The following BCKDHB variants were observed in gnomAD, a reference collection of about 807,000 sequenced individuals.
BCKDHB encodes branched chain keto acid dehydrogenase E1 subunit beta.
In BCKDHB, 41 loss-of-function variants were observed where a neutral mutation model predicts 48.5. The ratio of observed to expected loss-of-function variants is 0.85; its 90% CI spans 0.66 to 1.10. BCKDHB has a LOEUF of 1.10. Among genes scored for constraint, BCKDHB ranks in the 50% least tolerant of loss-of-function variants. The pLI, the probability that BCKDHB is intolerant of heterozygous loss-of-function variation, is 0.00. For synonymous variants in BCKDHB, 201 were observed against 174.8 expected (o/e 1.15, Z -1.18); for missense variants, 496 against 494.2 (o/e 1.00, Z -0.03).
At chr6:80,169,869 T>C (rs780623158) in intron 5 of BCKDHB, 3 of 1,604,162 alleles carry the variant, frequency 1.9e-6, no homozygotes, top group Non-Finnish European at 2.6e-6. Flanking sequence ...GAATGTGAGC[T>C]AGAAGTTGTA....
At chr6:80,202,857 A>G (rs1774459974) in intron 7 of BCKDHB, among the ~76,000 whole-genome samples, 1 of 151,956 alleles carries the variant, frequency 6.6e-6, no homozygotes, top group African/African-American at 2.4e-5. Context: ...CCATCTTTGT[A>G]ATCAGTATCT....
At chr6:80,164,628 G>A (rs1472327301) in intron 3 of BCKDHB, among the ~76,000 whole-genome samples, 2 of 152,114 alleles carry the variant, frequency 1.3e-5, no homozygotes, top group East Asian at 1.9e-4. Context: ...ATAATATTAA[G>A]TAGTTTAAAA....
chr6:80,455,395 T>A, the BCKDHB span, among the ~76,000 whole-genome samples: 1 of 151,804 alleles, frequency 6.6e-6, no homozygotes, highest in Admixed American at 6.6e-5. Flanking sequence ...ATGTCGCATC[T>A]CCTCAAGACT....
chr6:80,379,064 A>G, the BCKDHB span, among the ~76,000 whole-genome samples: 2 of 152,120 alleles, frequency 1.3e-5, no homozygotes, highest in African/African-American at 2.4e-5. Flanking sequence ...AAAATTAAGG[A>G]GTAGGGATGT....
the BCKDHB span, among the ~76,000 whole-genome samples, chr6:80,419,110 G>A: frequency 6.6e-6 from 1 of 152,298 alleles, no homozygotes; most frequent in Admixed American, 6.5e-5. Context: ...CTGCAATGGA[G>A]ATCATTTGGG....
intron 6 of BCKDHB, among the ~76,000 whole-genome samples, chr6:80,178,021 T>C (rs926980825): frequency 1.3e-5 from 2 of 152,218 alleles, no homozygotes; most frequent in African/African-American, 4.8e-5. Context: ...CTTTTCCTTG[T>C]AGAACATACT....
At chr6:80,369,732 A>C in the BCKDHB span, among the ~76,000 whole-genome samples, 2 of 152,198 alleles carry the variant, frequency 1.3e-5, no homozygotes, top group Non-Finnish European at 2.9e-5. Context: ...AGAAATGCCA[A>C]AATAACCTGT....
intron 3 of BCKDHB, among the ~76,000 whole-genome samples, chr6:80,130,709 G>T (rs888037657): frequency 1.3e-5 from 2 of 152,042 alleles, no homozygotes; most frequent in African/African-American, 2.4e-5. Context: ...AAAGCATAAA[G>T]AAAATAAAAA....
At chr6:80,230,586 A>T (rs1248230428) in intron 8 of BCKDHB, among the ~76,000 whole-genome samples, 3 of 151,980 alleles carry the variant, frequency 2.0e-5, no homozygotes, top group Non-Finnish European at 4.4e-5. Flanking sequence ...TAATTATTCA[A>T]CTCTGCCCTT....
At chr6:80,405,302 C>T in the BCKDHB span, among the ~76,000 whole-genome samples, 133,711 of 152,136 alleles carry the variant, frequency 0.88, 59,197 homozygotes, top group East Asian at 0.95. Context: ...CTTTGTTCCT[C>T]ATGACAGTTT....
At chr6:80,447,413 G>A in the BCKDHB span, among the ~76,000 whole-genome samples, 1 of 150,630 alleles carries the variant, frequency 6.6e-6, no homozygotes, top group Non-Finnish European at 1.5e-5. Flanking sequence ...GCACGTTAGA[G>A]GTGTACAATT....
At chr6:80,386,130 G>A in the BCKDHB span, among the ~76,000 whole-genome samples, 1 of 152,090 alleles carries the variant, frequency 6.6e-6, no homozygotes, top group African/African-American at 2.4e-5. Context: ...CAGCTGGAAG[G>A]GACCAATGCC....
the BCKDHB span, among the ~76,000 whole-genome samples, chr6:80,431,634 G>C: frequency 6.6e-6 from 1 of 152,074 alleles, no homozygotes; most frequent in Non-Finnish European, 1.5e-5. Context: ...CAGAGATTAG[G>C]ATTGCAATTC....
At chr6:80,358,364 T>A in the BCKDHB span, among the ~76,000 whole-genome samples, 2 of 152,216 alleles carry the variant, frequency 1.3e-5, no homozygotes, top group Non-Finnish European at 2.9e-5. Flanking sequence ...GTTACTTTTT[T>A]AAAAGTTTTA....
chr6:80,396,057 A>T, the BCKDHB span, among the ~76,000 whole-genome samples: 2 of 152,246 alleles, frequency 1.3e-5, no homozygotes, highest in African/African-American at 4.8e-5. Flanking sequence ...GTAGAGGCAG[A>T]GCCCTCATGG....
At chr6:80,134,008 G>A (rs151129632) in intron 3 of BCKDHB, among the ~76,000 whole-genome samples, 168 of 152,112 alleles carry the variant, frequency 1.1e-3, no homozygotes, top group African/African-American at 4.0e-3. Context: ...AAATCCATTC[G>A]TATTGTCATT....
At chr6:80,118,256 G>C (rs983168959) in intron 1 of BCKDHB, among the ~76,000 whole-genome samples, 10 of 152,146 alleles carry the variant, frequency 6.6e-5, no homozygotes, top group Non-Finnish European at 1.2e-4. Flanking sequence ...AATAAAGTGA[G>C]TCACACAAAT....
At chr6:80,415,604 C>T in the BCKDHB span, among the ~76,000 whole-genome samples, 1 of 152,170 alleles carries the variant, frequency 6.6e-6, no homozygotes, top group Non-Finnish European at 1.5e-5. Flanking sequence ...ACCAAACTTG[C>T]ATCCCAGGGA....
At chr6:80,232,250 T>C (rs995081970) in intron 8 of BCKDHB, among the ~76,000 whole-genome samples, 2 of 152,216 alleles carry the variant, frequency 1.3e-5, no homozygotes, top group South Asian at 4.1e-4. Flanking sequence ...GGCTGTTTAG[T>C]CTAATGCACT....
Sources: allele counts gnomAD v4.1 joint callset (sites outside exome capture counted in the v4.1 genomes callset), GRCh38; gene constraint gnomAD v4.1.1; transcripts MANE v1.5; gene names NCBI Gene and HGNC (gene_info 2026-07-23, HGNC 2026-07-21).